KCTD8: variants seen among roughly 807,000 people sequenced by gnomAD.
KCTD8 encodes BTB/POZ domain-containing protein KCTD8.
Under a neutral mutation model 31.5 loss-of-function variants are expected in KCTD8, and 27 were observed. The ratio of observed to expected loss-of-function variants is 0.86; its 90% CI spans 0.63 to 1.18. KCTD8 has a LOEUF of 1.18. KCTD8 is among the 50% of genes most tolerant of loss of function. The pLI is 0.00. For synonymous variants in KCTD8, 290 were observed against 280.0 expected, an observed-to-expected ratio of 1.04 and a Z score of -0.36; for missense variants, 658 against 647.7, an observed-to-expected ratio of 1.02 and a Z score of -0.17.
At chr4:44,228,205 T>G (rs1198877128) in intron 1 of KCTD8, among the ~76,000 whole-genome samples, 1 of 152,156 alleles carries the variant, frequency 6.6e-6, no homozygotes, top group East Asian at 1.9e-4. Context: ...CGGGCTAGAA[T>G]TCTGAGATCA....
chr4:44,256,947 T>G (rs1716009392), intron 1 of KCTD8, among the ~76,000 whole-genome samples: 1 of 152,010 alleles, frequency 6.6e-6, no homozygotes, highest in African/African-American at 2.4e-5. Context: ...CTCTATGACC[T>G]AACAGTTTCT....
intron 1 of KCTD8, among the ~76,000 whole-genome samples, chr4:44,187,250 C>T (rs574859715): frequency 2.9e-4 from 44 of 152,302 alleles, no homozygotes; most frequent in African/African-American, 9.4e-4. Flanking sequence ...ACCTCATGCT[C>T]GTAGTAGAAA....
At chr4:44,419,643 C>A (rs987991863) in intron 1 of KCTD8, among the ~76,000 whole-genome samples, 1 of 151,836 alleles carries the variant, frequency 6.6e-6, no homozygotes, top group Non-Finnish European at 1.5e-5. Context: ...TAGGTGGGAA[C>A]TGAACAATGA....
At chr4:44,291,067 T>C (rs1188297186) in intron 1 of KCTD8, among the ~76,000 whole-genome samples, 1 of 151,980 alleles carries the variant, frequency 6.6e-6, no homozygotes, top group African/African-American at 2.4e-5. Flanking sequence ...GACCATTAGA[T>C]AGATTAACAA....
At chr4:44,436,907 C>T (rs538569173) in intron 1 of KCTD8, among the ~76,000 whole-genome samples, 2 of 152,196 alleles carry the variant, frequency 1.3e-5, no homozygotes, top group South Asian at 4.2e-4. Flanking sequence ...TGGCACCTTC[C>T]TCCAAAACCA....
chr4:44,314,149 C>A (rs1718040791), intron 1 of KCTD8, among the ~76,000 whole-genome samples: 1 of 152,006 alleles, frequency 6.6e-6, no homozygotes, highest in Admixed American at 6.6e-5. Flanking sequence ...TGATATTACC[C>A]CAAGGTCTAA....
At chr4:44,399,475 C>T (rs771651258) in intron 1 of KCTD8, among the ~76,000 whole-genome samples, 13 of 151,948 alleles carry the variant, frequency 8.6e-5, no homozygotes, top group Admixed American at 1.3e-4. Flanking sequence ...ATCCCAGAGG[C>T]GGAAAAGGGT....
chr4:44,419,916 C>T (rs1240275984), intron 1 of KCTD8, among the ~76,000 whole-genome samples: 1 of 151,552 alleles, frequency 6.6e-6, no homozygotes, highest in Non-Finnish European at 1.5e-5. Context: ...CCTTTCTGAA[C>T]CGGACTCCAT....
intron 1 of KCTD8, among the ~76,000 whole-genome samples, chr4:44,298,326 T>A (rs1717501819): frequency 6.6e-6 from 1 of 152,152 alleles, no homozygotes; most frequent in South Asian, 2.1e-4. Flanking sequence ...CATATACCAC[T>A]TGAAATGGAT....
intron 1 of KCTD8, among the ~76,000 whole-genome samples, chr4:44,353,202 T>C (rs1719257798): frequency 6.6e-6 from 1 of 152,080 alleles, no homozygotes; most frequent in African/African-American, 2.4e-5. Flanking sequence ...ATAAATGAAA[T>C]CATAAAGTTA....
chr4:44,250,136 T>C (rs1336971989), intron 1 of KCTD8, among the ~76,000 whole-genome samples: 1 of 151,860 alleles, frequency 6.6e-6, no homozygotes, highest in Non-Finnish European at 1.5e-5. Context: ...TGTAAGATTA[T>C]ACATGTTCAT....
intron 1 of KCTD8, among the ~76,000 whole-genome samples, chr4:44,231,918 G>A (rs1052181547): frequency 3.3e-5 from 5 of 152,016 alleles, no homozygotes; most frequent in African/African-American, 1.2e-4. Context: ...TCAAAAACTC[G>A]AGGACCAAAA....
intron 1 of KCTD8, among the ~76,000 whole-genome samples, chr4:44,372,846 G>T (rs187579943): frequency 1.3e-5 from 2 of 152,254 alleles, no homozygotes; most frequent in African/African-American, 2.4e-5. Flanking sequence ...TTGCTGCAAA[G>T]AAATAATTCC....
chr4:44,428,171 T>C (rs1007294365), intron 1 of KCTD8, among the ~76,000 whole-genome samples: 1 of 151,684 alleles, frequency 6.6e-6, no homozygotes. Context: ...AAATACAAAA[T>C]TTGATGAAAA....
At chr4:44,188,004 TGC>T (rs1354594424) in intron 1 of KCTD8, among the ~76,000 whole-genome samples, 3 of 148,762 alleles carry the variant, frequency 2.0e-5, no homozygotes, top group Non-Finnish European at 3.0e-5. Flanking sequence ...TATATATACA[TGC>T]ACACACAAAA....
intron 1 of KCTD8, among the ~76,000 whole-genome samples, chr4:44,269,905 G>A (rs1716527096): frequency 2.6e-5 from 4 of 152,152 alleles, no homozygotes; most frequent in South Asian, 2.1e-4. Flanking sequence ...ATGCTGGAGA[G>A]GATGTGGAGA....
At chr4:44,213,606 G>A (rs1219006060) in intron 1 of KCTD8, among the ~76,000 whole-genome samples, 4 of 152,090 alleles carry the variant, frequency 2.6e-5, no homozygotes, top group Non-Finnish European at 5.9e-5. Context: ...TATTGTTAAT[G>A]TTTATCAGTT....
intron 1 of KCTD8, among the ~76,000 whole-genome samples, chr4:44,436,316 A>G (rs1305372966): frequency 1.3e-5 from 2 of 152,122 alleles, no homozygotes; most frequent in African/African-American, 4.8e-5. Flanking sequence ...AGAACAGGGG[A>G]CATTAATCAG....
At chr4:44,250,347 ATTG>A (rs1345059472) in intron 1 of KCTD8, among the ~76,000 whole-genome samples, 1 of 151,796 alleles carries the variant, frequency 6.6e-6, no homozygotes, top group Non-Finnish European at 1.5e-5. Flanking sequence ...ATGAAATCCC[ATTG>A]TTGTTTTAAT....
Sources: allele counts gnomAD v4.1 joint callset (sites outside exome capture counted in the v4.1 genomes callset), GRCh38; gene constraint gnomAD v4.1.1; transcripts MANE v1.5; gene names NCBI Gene and HGNC (gene_info 2026-07-23, HGNC 2026-07-21).